Variants in ALK observed in about 807,000 individuals in gnomAD.
ALK encodes ALK receptor tyrosine kinase, also known as ALK tyrosine kinase receptor.
Under a neutral mutation model 163.1 loss-of-function variants are expected in ALK, and 74 were observed. The ratio of observed to expected loss-of-function variants is 0.45; its 90% CI spans 0.38 to 0.55. The LOEUF is 0.55. ALK is among the 20% of genes least tolerant of loss of function. The pLI is 0.00. For synonymous variants in ALK, 960 were observed against 843.2 expected (o/e 1.14, Z -2.40); for missense variants, 2,063 against 2,105.3 (o/e 0.98, Z 0.39).
At chr2:29,203,999 C>T (rs1337514605) in intron 26 of ALK, among the ~76,000 whole-genome samples, 1 of 151,900 alleles carries the variant, frequency 6.6e-6, no homozygotes, top group Non-Finnish European at 1.5e-5. Context: ...ATTATATTTT[C>T]CTATATTTTC....
At chr2:29,209,961 A>G (rs2148155615) in intron 24 of ALK, 83 bp from the exon 25 acceptor site, 2 of 1,110,744 alleles carry the variant, frequency 1.8e-6, no homozygotes, top group Non-Finnish European at 1.4e-6. Context: ...TTTATCTCCA[A>G]GCTGAAGTTT....
intron 4 of ALK, among the ~76,000 whole-genome samples, chr2:29,415,281 A>T (rs1669842408): frequency 6.6e-6 from 1 of 152,000 alleles, no homozygotes; most frequent in Admixed American, 6.6e-5. Context: ...TTCCAAAAGA[A>T]GTATTATTAT....
intron 23 of ALK, among the ~76,000 whole-genome samples, chr2:29,216,709 G>C (rs946484773): frequency 1.3e-5 from 2 of 150,602 alleles, no homozygotes; most frequent in Non-Finnish European, 3.0e-5. Context: ...TGTGTGTGGT[G>C]GATGTCTGTG....
In ALK at chr2:29,867,459, A is replaced by G. The variant is rs527820532; in HGVS notation, c.667+52534T>C. On this transcript the variant is annotated intron_variant, in intron 1 of 28. Transcript: ENST00000389048. ...CAAACGACAAGGTTCACTTGTCCCA[A>G]AAGGATATTCAGCCATTTTATTGCT... Among the ~76,000 whole-genome samples the G allele has an allele frequency of 9.8e-5, 15 of 152,318 alleles. 1 individual carries two copies. In the South Asian group the frequency reaches 2.7e-3, roughly 27 times the overall value.
At chr2:29,427,871 G>A (rs1178657886) in intron 4 of ALK, among the ~76,000 whole-genome samples, 1 of 151,984 alleles carries the variant, frequency 6.6e-6, no homozygotes, top group Non-Finnish European at 1.5e-5. Flanking sequence ...TAGACCATAC[G>A]CTAGGTCACA....
At chr2:29,748,587 G>A (rs1680270445) in intron 1 of ALK, among the ~76,000 whole-genome samples, 2 of 152,128 alleles carry the variant, frequency 1.3e-5, no homozygotes, top group Non-Finnish European at 2.9e-5. Flanking sequence ...AAAGAAGCCC[G>A]TGGGAAGCAT....
chr2:29,195,954 CGGCAGA>C (rs1558605496), intron 28 of ALK, among the ~76,000 whole-genome samples: 1 of 151,920 alleles, frequency 6.6e-6, no homozygotes, highest in East Asian at 1.9e-4. Context: ...TGAGAAATGG[CGGCAGA>C]GGCAGAGAAG....
intron 5 of ALK, among the ~76,000 whole-genome samples, chr2:29,364,277 T>A (rs1668451232): frequency 6.6e-6 from 1 of 152,104 alleles, no homozygotes; most frequent in Admixed American, 6.5e-5. Flanking sequence ...GAGGCTTTGG[T>A]TGCTGTTGTT....
At chr2:29,827,471 A>G (rs1665234489) in intron 1 of ALK, among the ~76,000 whole-genome samples, 1 of 152,170 alleles carries the variant, frequency 6.6e-6, no homozygotes, top group South Asian at 2.1e-4. Context: ...CTCTTTGCAG[A>G]TTTTACATAT....
chr2:29,671,230 C>T (rs752740539), intron 3 of ALK, among the ~76,000 whole-genome samples: 10 of 152,090 alleles, frequency 6.6e-5, no homozygotes, highest in South Asian at 2.1e-4. Flanking sequence ...TTCACCTCTG[C>T]GCTAATAAAT....
At chr2:29,633,368 T>G (rs150888740) in intron 3 of ALK, among the ~76,000 whole-genome samples, 1 of 152,138 alleles carries the variant, frequency 6.6e-6, no homozygotes, top group African/African-American at 2.4e-5. Flanking sequence ...TCAAGTAAAT[T>G]TAAAAAACAC....
chr2:29,475,267 G>C (rs1422584195), intron 4 of ALK, among the ~76,000 whole-genome samples: 1 of 152,168 alleles, frequency 6.6e-6, no homozygotes, highest in Non-Finnish European at 1.5e-5. Context: ...CAGGCCTCAG[G>C]GAGCTCAAGG....
At chr2:29,693,689 G>A (rs1014949922) in intron 3 of ALK, among the ~76,000 whole-genome samples, 1 of 152,122 alleles carries the variant, frequency 6.6e-6, no homozygotes, top group East Asian at 1.9e-4. Flanking sequence ...GACCTGTTAG[G>A]CTCCCTAGTA....
chr2:29,646,829 T>A (rs1676889297), intron 3 of ALK, among the ~76,000 whole-genome samples: 1 of 152,222 alleles, frequency 6.6e-6, no homozygotes. Flanking sequence ...CCTTCCTTGC[T>A]TTATTGTCCT....
At chr2:29,803,238 A>G (rs759038556) in intron 1 of ALK, among the ~76,000 whole-genome samples, 37 of 152,332 alleles carry the variant, frequency 2.4e-4, no homozygotes, top group Non-Finnish European at 3.8e-4. Flanking sequence ...CTGCAACTCC[A>G]TCAACATGAG....
intron 4 of ALK, among the ~76,000 whole-genome samples, chr2:29,392,980 G>GTTCAAGGTCACTGAATA (rs1669214136): frequency 5.0e-4 from 1 of 1,998 alleles, no homozygotes; most frequent in African/African-American, 1.1e-3. Context: ...ATCACTCAAA[G>GTTCAAGGTCACTGAATA]TTCAAGGTCA....
At chr2:29,371,274 T>A (rs1668631814) in intron 5 of ALK, among the ~76,000 whole-genome samples, 1 of 152,200 alleles carries the variant, frequency 6.6e-6, no homozygotes, top group Non-Finnish European at 1.5e-5. Flanking sequence ...GCCAGAACTT[T>A]AAAATAACCA....
At chr2:29,857,807 T>C (rs1407811049) in intron 1 of ALK, among the ~76,000 whole-genome samples, 6 of 152,184 alleles carry the variant, frequency 3.9e-5, no homozygotes, top group African/African-American at 1.4e-4. Context: ...CAAATACCAC[T>C]AGGCAAGTGT....
At chr2:29,558,364 G>C (rs1356174183) in intron 3 of ALK, among the ~76,000 whole-genome samples, 1 of 152,138 alleles carries the variant, frequency 6.6e-6, no homozygotes, top group Non-Finnish European at 1.5e-5. Context: ...GAGCTTTGTG[G>C]CTTTTTGTTT....
Sources: allele counts gnomAD v4.1 joint callset (sites outside exome capture counted in the v4.1 genomes callset), GRCh38; gene constraint gnomAD v4.1.1; transcripts MANE v1.5; gene names NCBI Gene and HGNC (gene_info 2026-07-23, HGNC 2026-07-21).